SLC16A3: variants seen among roughly 807,000 people sequenced by gnomAD.
SLC16A3 encodes the protein monocarboxylate transporter 4.
SLC16A3 carries 22 observed loss-of-function variants against 25.0 expected under a neutral mutation model. The ratio of observed to expected loss-of-function variants is 0.88; its 90% CI spans 0.63 to 1.26. SLC16A3 has a LOEUF of 1.26. Among genes scored for constraint, SLC16A3 ranks in the 50% most tolerant of loss-of-function variants. SLC16A3 has a pLI of 0.00. For synonymous variants in SLC16A3, 390 were observed against 309.2 expected, an observed-to-expected ratio of 1.26 and a Z score of -2.74; for missense variants, 731 against 666.6, an observed-to-expected ratio of 1.10 and a Z score of -1.06.
chr17:82,236,678 G>A (rs760886644), intron 2 of SLC16A3, 51 bp from the exon 3 acceptor site: 10 of 1,579,020 alleles, frequency 6.3e-6, no homozygotes, highest in African/African-American at 5.4e-5. Flanking sequence ...TCGGCTGGCG[G>A]GGGTAGAGCT....
chr17:82,235,729 A>G, intron 1 of SLC16A3: 1 of 531,562 alleles, frequency 1.9e-6, no homozygotes, highest in South Asian at 2.2e-5. Flanking sequence ...GCCGAGCCCA[A>G]AAAAGCCACT....
chr17:82,237,364 GC>G lies in SLC16A3; in HGVS notation c.598del (p.Leu200TrpfsTer19). On this transcript the variant is annotated frameshift_variant, in exon 4 of 5. Coordinates refer to ENST00000582743, the MANE Select transcript of SLC16A3 (RefSeq NM_004207.4). LOFTEE classifies it high-confidence loss of function. Reference protein sequence around the residue: ...NCCVCAALMRPLVVTAQPGSG... With the variant: ...NCCVCAALMRXLVVTAQPGSG... ...GCTGCGTGTGTGCCGCACTCATGAG[GC>G]CCCTGGTGGTCACGGCCCAGCCGGG... 1 of 1,539,638 alleles carries G rather than the reference GC, an allele frequency of 6.5e-7. No homozygotes were observed. The highest frequency in any genetic ancestry group is 8.8e-7 in the Non-Finnish European group (1 of 1,140,490).
intron 1 of SLC16A3, among the ~76,000 whole-genome samples, chr17:82,232,641 CA>C (rs1568534751): frequency 6.6e-6 from 1 of 152,218 alleles, no homozygotes; most frequent in Admixed American, 6.5e-5. Context: ...GGTCTAAAGC[CA>C]GGGGTCCTTG....
chr17:82,238,886 G>T lies in SLC16A3; in HGVS notation c.1308G>T (p.Ser436=). The part of the protein sequence containing the change: ...EEKLHKPPAD[S]GVDLREVEHF... ...AGCTCCACAAGCCTCCTGCAGACTC[G>T]GGGGTGGACTTGCGGGAGGTGGAGC... Residue 436 remains serine, a synonymous_variant, in exon 5 of 5, where the codon TCG becomes TCT. Coordinates refer to ENST00000582743, the MANE Select transcript of SLC16A3 (RefSeq NM_004207.4). The T allele has an allele frequency of 6.2e-7, 1 of 1,606,674 alleles. No homozygotes were observed.
chr17:82,237,642 G>C lies in SLC16A3; in HGVS notation c.872G>C (p.Arg291Pro). The part of the protein sequence containing the change: ...AGFVAGLGKV[R>P]PYSVYLFSFS... ...TTCGTGGCGGGGCTTGGGAAGGTGCGGCCCTACTCCGTCTACCTCTTCAGC... is the reference window on the plus strand; with the variant it reads ...TTCGTGGCGGGGCTTGGGAAGGTGCCGCCCTACTCCGTCTACCTCTTCAGC... Residue 291 changes from arginine to proline, a missense_variant, in exon 4 of 5, where the codon CGG becomes CCG. Coordinates refer to ENST00000582743, the MANE Select transcript of SLC16A3 (RefSeq NM_004207.4). The C allele has an allele frequency of 6.2e-7, 1 of 1,612,906 alleles. No individual in the cohort carries two copies. The highest frequency in any genetic ancestry group is 8.5e-7 in the Non-Finnish European group (1 of 1,179,926).
chr17:82,235,998 C>A lies in SLC16A3; in HGVS notation c.-11C>A, dbSNP rs746410730. 1.1e-5 allele frequency: 17 copies of A among 1,607,720 alleles called. No homozygotes were observed. The highest frequency in any genetic ancestry group is 1.4e-5 in the Non-Finnish European group (16 of 1,177,610). On this transcript the variant is annotated 5_prime_UTR_variant, in exon 2 of 5. Transcript: ENST00000582743. ...TCTCTCTCAGGTGAGGCGGAACCAACCCTCCTGGCCATGGGAGGGGCCGTG... is the reference window on the plus strand; with the variant it reads ...TCTCTCTCAGGTGAGGCGGAACCAAACCTCCTGGCCATGGGAGGGGCCGTG...
Position 82,239,773 on chromosome 17 carries a change from C to T in SLC16A3, c.*797C>T. The T allele has an allele frequency of 5.1e-6, 2 of 395,074 alleles. No homozygotes were observed. Among genetic ancestry groups the T allele is most frequent in the Non-Finnish European group, 8.9e-6 (2 of 224,420 alleles). The allele number at this position is 395,074 out of a possible 1,614,324, so 24.5% of individuals were successfully genotyped here. On this transcript the variant is annotated 3_prime_UTR_variant, in exon 5 of 5. Coordinates refer to ENST00000582743, the MANE Select transcript of SLC16A3 (RefSeq NM_004207.4). ...TCACTGCTGTGTTTAAGAAACAGGA[C>T]CCTCCTGCCTTCCCTTTTTCGCCCC...
At chr17:82,232,320 G>A (rs1407260657) in intron 1 of SLC16A3, 1 of 152,480 alleles carries the variant, frequency 6.6e-6, no homozygotes, top group African/African-American at 2.4e-5. Context: ...AGGCCTCAGC[G>A]AGGCGGCGGC....
At chr17:82,226,445 T>G (rs2050422303), upstream of SLC16A3, among the ~76,000 whole-genome samples, 1 of 152,084 alleles carries the variant, frequency 6.6e-6, no homozygotes, top group Non-Finnish European at 1.5e-5. Context: ...ACACGTGGCC[T>G]TTCCCACCCC....
In SLC16A3 at chr17:82,239,107, G is replaced by A. The variant is rs958911153; in HGVS notation, c.*131G>A. On this transcript the variant is annotated 3_prime_UTR_variant, in exon 5 of 5. Transcript: ENST00000582743. ...CCAGCTGCCGGCCCAGCGGATCGTC[G>A]CCCGATCAGTGTTTTGAGGGGGAAG... 33 of 873,782 alleles carry A rather than the reference G, an allele frequency of 3.8e-5. No individual in the cohort carries two copies. Among genetic ancestry groups the A allele is most frequent in the Non-Finnish European group, 5.0e-5 (30 of 596,838 alleles). 54.1% of individuals were successfully genotyped at this position (873,782 alleles called of 1,614,324 possible).
chr17:82,231,171 T>G (rs2050488654), intron 1 of SLC16A3: 1 of 151,934 alleles, frequency 6.6e-6, no homozygotes, highest in South Asian at 2.1e-4. Flanking sequence ...CGGAGCATCC[T>G]TCCCTCCCCC....
intron 4 of SLC16A3, 87 bp from the exon 5 acceptor site, chr17:82,238,604 CCTTGCGTGCTG>C: frequency 7.9e-7 from 1 of 1,268,510 alleles, no homozygotes; most frequent in Non-Finnish European, 1.1e-6. Context: ...ACAGGGTGAC[CCTTGCGTGCTG>C]AGACACCGAG....
upstream of SLC16A3, among the ~76,000 whole-genome samples, chr17:82,226,325 G>A (rs73999809): frequency 0.025 from 3,839 of 152,224 alleles, 139 homozygotes; most frequent in African/African-American, 0.088. Flanking sequence ...AGAAAAGGGC[G>A]GCCTGGGCCT....
At chr17:82,235,862 G>A (rs2050587298) in intron 1 of SLC16A3, 121 bp from the exon 2 acceptor site, 1 of 653,900 alleles carries the variant, frequency 1.5e-6, no homozygotes, top group African/African-American at 1.8e-5. Flanking sequence ...CCACAAGTGT[G>A]GGTGCCGGGC....
intron 1 of SLC16A3, among the ~76,000 whole-genome samples, chr17:82,218,735 A>G (rs1189001639): frequency 6.6e-6 from 1 of 152,192 alleles, no homozygotes; most frequent in East Asian, 1.9e-4. Context: ...GCAGAAGGGC[A>G]GAAGGTACCC....
chr17:82,237,841 C>T lies in SLC16A3; in HGVS notation c.1071C>T (p.Gly357=), dbSNP rs755459836. The change falls in exon 4 of 5, where the codon GGC becomes GGT. Residue 357 remains glycine, a synonymous_variant. Coordinates refer to ENST00000582743, the MANE Select transcript of SLC16A3 (RefSeq NM_004207.4). ...CCCACAAGTTCTCCAGTGCCATTGGCCTGGTGCTGCTGATGGAGGCGGTGG... is the reference window on the plus strand; with the variant it reads ...CCCACAAGTTCTCCAGTGCCATTGGTCTGGTGCTGCTGATGGAGGCGGTGG... ...VGTHKFSSAI[G]LVLLMEAVAV... is the part of the protein sequence containing the mutation. 1.2e-6 allele frequency: 2 copies of T among 1,606,638 alleles called. No homozygotes were observed. The highest frequency in any genetic ancestry group is 1.1e-5 in the South Asian group (1 of 91,086).
At chr17:82,219,013 C>T (rs951660090) in intron 1 of SLC16A3, among the ~76,000 whole-genome samples, 2 of 152,146 alleles carry the variant, frequency 1.3e-5, no homozygotes, top group Non-Finnish European at 1.5e-5. Context: ...GACTGAGGGT[C>T]TCGGAGGGTC....
chr17:82,223,232 G>C (rs1435150659), intron 1 of SLC16A3, among the ~76,000 whole-genome samples: 2 of 152,108 alleles, frequency 1.3e-5, no homozygotes, highest in Admixed American at 6.6e-5. Flanking sequence ...ACCCAGGCTG[G>C]AGTATAGTGT....
chr17:82,224,989 A>G (rs2050413280), upstream of SLC16A3, among the ~76,000 whole-genome samples: 1 of 152,234 alleles, frequency 6.6e-6, no homozygotes, highest in South Asian at 2.1e-4. Context: ...GGGAAGGACC[A>G]GCAGCCAGGT....
Sources: gnomAD v4.1 joint callset for allele counts (sites outside exome capture counted in the v4.1 genomes callset) on GRCh38, gnomAD v4.1.1 for gene constraint, MANE v1.5 for transcripts, NCBI Gene and HGNC (gene_info 2026-07-23, HGNC 2026-07-21) for gene names.